The following ASTN2 variants were observed in gnomAD, a reference collection of about 807,000 sequenced individuals.
ASTN2 encodes astrotactin-2.
ASTN2 carries 54 observed loss-of-function variants against 139.8 expected under a neutral mutation model. The ratio of observed to expected loss-of-function variants is 0.39; its 90% CI spans 0.31 to 0.48. The LOEUF (loss-of-function observed/expected upper bound fraction) is 0.48. Ranked by LOEUF, ASTN2 falls within the 20% of genes least tolerant of loss-of-function variation. ASTN2 has a pLI of 0.95. For synonymous variants in ASTN2, 756 were observed against 719.5 expected, an observed-to-expected ratio of 1.05 and a Z score of -0.81; for missense variants, 1,565 against 1,725.1, an observed-to-expected ratio of 0.91 and a Z score of 1.64.
At chr9:116,489,169 A>G (rs1395081638) in intron 19 of ASTN2, among the ~76,000 whole-genome samples, 1 of 152,186 alleles carries the variant, frequency 6.6e-6, no homozygotes, top group African/African-American at 2.4e-5. Flanking sequence ...TCATGAAACC[A>G]TAAAAGAACA....
At position 116,425,805 on chromosome 9, in the gene ASTN2, C is replaced by T. The variant is rs775170308; in HGVS notation, c.*46G>A. The T allele has an allele frequency of 1.9e-6, 3 of 1,612,252 alleles. No homozygotes were observed. Among genetic ancestry groups the T allele is most frequent in the African/African-American group, 2.7e-5 (2 of 74,880 alleles). ...CCAGGATCCAGGAGAATACTGCTCC[C>T]CCTCCCATGGAGAGTCTCTGTGCTC... is the stretch of plus-strand genomic sequence containing the variant. On this transcript the variant is annotated 3_prime_UTR_variant, in exon 23 of 23. Coordinates refer to ENST00000313400, the MANE Select transcript of ASTN2 (RefSeq NM_001365068.1).
At chr9:116,972,162 A>G (rs977216355) in intron 10 of ASTN2, among the ~76,000 whole-genome samples, 1 of 152,144 alleles carries the variant, frequency 6.6e-6, no homozygotes, top group African/African-American at 2.4e-5. Context: ...AGTAATCTCT[A>G]TCCTTTCTTC....
At chr9:116,976,853 C>A (rs1461011436) in intron 7 of ASTN2, 68 bp from the exon 8 acceptor site, 38 of 1,446,068 alleles carry the variant, frequency 2.6e-5, no homozygotes, top group Non-Finnish European at 3.6e-5. Flanking sequence ...CTCTGGTTTG[C>A]TTGTTTTCCT....
intron 16 of ASTN2, among the ~76,000 whole-genome samples, chr9:116,710,695 T>C (rs1828128028): frequency 8.1e-6 from 1 of 123,886 alleles, no homozygotes; most frequent in Admixed American, 1.1e-4. Context: ...ATCACACCAT[T>C]GCACTCCAGC....
intron 1 of ASTN2, among the ~76,000 whole-genome samples, chr9:117,381,555 G>T (rs917330361): frequency 6.6e-6 from 1 of 151,986 alleles, no homozygotes; most frequent in Non-Finnish European, 1.5e-5. Flanking sequence ...TTTCTCTCTT[G>T]CTCCTGCTTT....
chr9:117,117,515 T>C (rs1829428004), intron 4 of ASTN2, among the ~76,000 whole-genome samples: 1 of 152,048 alleles, frequency 6.6e-6, no homozygotes, highest in South Asian at 2.1e-4. Context: ...TGCCTCAAGA[T>C]GTGAGCAGAG....
intron 19 of ASTN2, among the ~76,000 whole-genome samples, chr9:116,495,431 G>C (rs1370703614): frequency 2.6e-5 from 4 of 152,178 alleles, no homozygotes; most frequent in Non-Finnish European, 5.9e-5. Context: ...AAGTGACCTA[G>C]GCTTAATCAA....
intron 17 of ASTN2, among the ~76,000 whole-genome samples, chr9:116,628,716 A>G (rs1455652460): frequency 1.3e-5 from 2 of 152,238 alleles, no homozygotes; most frequent in Admixed American, 6.5e-5. Context: ...ACCCTCTTAT[A>G]AACTATGCAC....
intron 19 of ASTN2, among the ~76,000 whole-genome samples, chr9:116,517,347 C>A (rs1379577269): frequency 6.6e-6 from 1 of 152,222 alleles, no homozygotes; most frequent in African/African-American, 2.4e-5. Flanking sequence ...GGACTCTTTG[C>A]AGACACTCTT....
At chr9:117,304,243 T>C (rs1214272264) in intron 1 of ASTN2, among the ~76,000 whole-genome samples, 1 of 152,220 alleles carries the variant, frequency 6.6e-6, no homozygotes, top group African/African-American at 2.4e-5. Flanking sequence ...AATAGCTAAC[T>C]GGAAGATGCC....
intron 3 of ASTN2, among the ~76,000 whole-genome samples, chr9:117,182,359 C>T (rs998310741): frequency 1.3e-5 from 2 of 151,996 alleles, no homozygotes; most frequent in Admixed American, 6.6e-5. Flanking sequence ...ACATACCCCA[C>T]AGATGCACAC....
At chr9:116,636,689 A>AT in intron 17 of ASTN2, among the ~76,000 whole-genome samples, 1 of 152,060 alleles carries the variant, frequency 6.6e-6, no homozygotes, top group East Asian at 1.9e-4. Flanking sequence ...GAAAAAAAAA[A>AT]GAAAGAAAGA....
At chr9:117,075,387 A>T (rs911334267) in intron 5 of ASTN2, among the ~76,000 whole-genome samples, 2 of 151,940 alleles carry the variant, frequency 1.3e-5, no homozygotes, top group African/African-American at 4.8e-5. Context: ...GAGAGGGAAG[A>T]GTCAAGCCCT....
At chr9:117,012,572 C>T (rs1044298547) in intron 6 of ASTN2, among the ~76,000 whole-genome samples, 2 of 152,108 alleles carry the variant, frequency 1.3e-5, no homozygotes, top group Non-Finnish European at 2.9e-5. Context: ...ATACAACCTA[C>T]AGTGTGGTAA....
chr9:116,816,035 A>G (rs1831318676), intron 12 of ASTN2, among the ~76,000 whole-genome samples: 1 of 152,132 alleles, frequency 6.6e-6, no homozygotes, highest in Non-Finnish European at 1.5e-5. Flanking sequence ...CAAGAAGCAC[A>G]CAGCCAAATT....
At position 116,425,513 on chromosome 9, in the gene ASTN2, G is replaced by A. The variant is rs1847277366; in HGVS notation, c.*338C>T. Reference sequence around the variant, plus strand: ...AGAAAGCAGAGTGTGGCAGGAAGAAGGAAGAAGAGCAAAGGCCGCTTGGTC... The same window carrying A: ...AGAAAGCAGAGTGTGGCAGGAAGAAAGAAGAAGAGCAAAGGCCGCTTGGTC... On this transcript the variant is annotated 3_prime_UTR_variant, in exon 23 of 23. Coordinates refer to ENST00000313400, the MANE Select transcript of ASTN2 (RefSeq NM_001365068.1). 6.5e-7 allele frequency: 1 copy of A among 1,537,936 alleles called. No individual in the cohort carries two copies. The highest frequency in any genetic ancestry group is 2.2e-5 in the East Asian group (1 of 44,498).
intron 15 of ASTN2, among the ~76,000 whole-genome samples, chr9:116,727,522 G>A (rs922545533): frequency 5.0e-5 from 5 of 100,292 alleles, no homozygotes; most frequent in African/African-American, 1.8e-4. Context: ...TGTGGGGTGT[G>A]GGGGGCAGAA....
intron 1 of ASTN2, among the ~76,000 whole-genome samples, chr9:117,338,152 A>G (rs991421782): frequency 1.3e-5 from 2 of 152,110 alleles, no homozygotes; most frequent in African/African-American, 4.8e-5. Flanking sequence ...AAAGATTGCC[A>G]TTTTCTTCCA....
At chr9:117,386,410 G>T (rs781754944) in intron 1 of ASTN2, among the ~76,000 whole-genome samples, 34 of 152,170 alleles carry the variant, frequency 2.2e-4, no homozygotes, top group Non-Finnish European at 4.4e-4. Context: ...CCATTCTGCT[G>T]CCATGGTCTG....
Sources: allele counts gnomAD v4.1 joint callset (sites outside exome capture counted in the v4.1 genomes callset), GRCh38; gene constraint gnomAD v4.1.1; transcripts MANE v1.5; gene names NCBI Gene and HGNC (gene_info 2026-07-23, HGNC 2026-07-21).